The following DOCK3 variants were observed in gnomAD, a reference collection of about 807,000 sequenced individuals.
DOCK3 encodes the protein dedicator of cytokinesis protein 3.
In DOCK3, 60 loss-of-function variants were observed where a neutral mutation model predicts 265.6. The observed-to-expected ratio is 0.23, with a 90% CI of 0.18 to 0.28. The LOEUF (loss-of-function observed/expected upper bound fraction) is 0.28, where lower values mean the gene tolerates loss of function less well. Among genes scored for constraint, DOCK3 ranks in the 10% least tolerant of loss-of-function variants. The pLI, the probability that DOCK3 is intolerant of heterozygous loss-of-function variation, is 1.00. For synonymous variants in DOCK3, 881 were observed against 938.0 expected (o/e 0.94, Z 1.11); for missense variants, 1,981 against 2,594.3 (o/e 0.76, Z 5.14).
intron 4 of DOCK3, among the ~76,000 whole-genome samples, chr3:50,920,516 A>T (rs1264077483): frequency 1.3e-5 from 2 of 151,730 alleles, no homozygotes; most frequent in Admixed American, 1.3e-4. Context: ...TTTCTTCTAG[A>T]TTTTCTAGTT....
intron 1 of DOCK3, among the ~76,000 whole-genome samples, chr3:50,733,494 A>G (rs896365242): frequency 6.6e-6 from 1 of 152,226 alleles, no homozygotes; most frequent in African/African-American, 2.4e-5. Flanking sequence ...TGTCTCTTAT[A>G]AAATTTTTCA....
intron 4 of DOCK3, 125 bp from the exon 5 acceptor site, chr3:50,933,856 G>C: frequency 1.7e-6 from 1 of 584,190 alleles, no homozygotes; most frequent in Non-Finnish European, 3.0e-6. Flanking sequence ...TGATCAATTA[G>C]ATATACTTCT....
chr3:50,864,802 G>A (rs577264549), intron 3 of DOCK3, among the ~76,000 whole-genome samples: 196 of 152,070 alleles, frequency 1.3e-3, no homozygotes, highest in Non-Finnish European at 2.5e-3. Flanking sequence ...ATTGATCTAT[G>A]TGTGTTTTTA....
At chr3:51,187,796 G>C (rs1256190378) in intron 12 of DOCK3, among the ~76,000 whole-genome samples, 1 of 130,086 alleles carries the variant, frequency 7.7e-6, no homozygotes, top group Non-Finnish European at 1.6e-5. Flanking sequence ...TGTAAGATAT[G>C]ACTTGCTCCT....
intron 5 of DOCK3, among the ~76,000 whole-genome samples, chr3:50,960,808 G>A (rs375705031): frequency 1.3e-5 from 2 of 151,882 alleles, no homozygotes; most frequent in African/African-American, 4.8e-5. Flanking sequence ...TATAATAATA[G>A]CTTTTATATT....
chr3:50,753,116 T>C (rs1023601985), intron 1 of DOCK3, among the ~76,000 whole-genome samples: 2 of 152,176 alleles, frequency 1.3e-5, no homozygotes, highest in Non-Finnish European at 2.9e-5. Context: ...ATTCAAAATA[T>C]AATAATTGAA....
At chr3:51,011,233 T>A (rs1159654304) in intron 5 of DOCK3, among the ~76,000 whole-genome samples, 2 of 152,184 alleles carry the variant, frequency 1.3e-5, no homozygotes, top group African/African-American at 4.8e-5. Flanking sequence ...TTGGTTCCGT[T>A]CTCCCCGTCA....
intron 4 of DOCK3, among the ~76,000 whole-genome samples, chr3:50,921,305 C>A (rs1043557428): frequency 1.3e-5 from 2 of 152,162 alleles, no homozygotes; most frequent in Admixed American, 6.5e-5. Flanking sequence ...AGTTGATCTT[C>A]AGTCACTGAT....
At chr3:50,883,843 A>G (rs1358270443) in intron 3 of DOCK3, among the ~76,000 whole-genome samples, 4 of 152,118 alleles carry the variant, frequency 2.6e-5, no homozygotes, top group Admixed American at 2.6e-4. Context: ...AAATGTTTTC[A>G]TTTCCACAAA....
rs2107729132 is a variant in DOCK3 at position 50,889,963 on chromosome 3, G to A, written c.163-63G>A. On this transcript the variant is annotated intron_variant, in intron 3 of 52. Coordinates refer to ENST00000266037, the MANE Select transcript of DOCK3 (RefSeq NM_004947.5). ...GTGCTGAAATCTGATTGCTATTTTT[G>A]TATATATGAAATGTTAATCACAATT... The A allele has an allele frequency of 4.0e-6, 5 of 1,252,962 alleles. No individual in the cohort carries two copies. The African/African-American group carries it at 6.3e-5, about 16-fold the overall frequency. The allele number at this position is 1,252,962 out of a possible 1,614,324, so 77.6% of individuals were successfully genotyped here.
At chr3:50,750,418 A>G (rs1028456897) in intron 1 of DOCK3, among the ~76,000 whole-genome samples, 1 of 147,524 alleles carries the variant, frequency 6.8e-6, no homozygotes. Flanking sequence ...GCAACCTCCA[A>G]CTCCCGGTTC....
At chr3:50,751,220 T>G (rs2039780062) in intron 1 of DOCK3, among the ~76,000 whole-genome samples, 1 of 152,196 alleles carries the variant, frequency 6.6e-6, no homozygotes, top group South Asian at 2.1e-4. Context: ...AGTGACTTTT[T>G]TATATGTCCT....
rs1559946097 is a variant in DOCK3 at position 51,016,853 on chromosome 3, C to CTATATATGATATATGTTTAT, written c.316-47595_316-47594insTATATATGATATATGTTTAT. On this transcript the variant is annotated intron_variant, in intron 5 of 52. Transcript: ENST00000266037. Reference sequence around the variant, plus strand: ...ATATATGATATATGTTTATATATATCATATATAAATATATATGATATATGT... The same window carrying CTATATATGATATATGTTTAT: ...ATATATGATATATGTTTATATATATCTATATATGATATATGTTTATATATATAAATATATATGATATATGT... 1.1e-3 allele frequency among the ~76,000 whole-genome samples: 2 copies of CTATATATGATATATGTTTAT among 1,838 alleles called. 1 individual carries two copies. The highest frequency in any genetic ancestry group is 4.8e-3 in the African/African-American group (2 of 420). 1.2% of individuals were successfully genotyped at this position (1,838 alleles called of 152,430 possible). A position where few individuals can be genotyped will look rare whatever the true frequency, so the allele number is the denominator to read the frequency against.
chr3:51,269,197 G>GCATATATATA (rs1450462532), intron 23 of DOCK3, among the ~76,000 whole-genome samples: 2 of 144,848 alleles, frequency 1.4e-5, no homozygotes, highest in Admixed American at 1.4e-4. Flanking sequence ...ACATATATAT[G>GCATATATATA]CATATATATA....
chr3:51,190,304 A>G (rs1461942434), intron 12 of DOCK3, among the ~76,000 whole-genome samples: 3 of 152,058 alleles, frequency 2.0e-5, no homozygotes, highest in Admixed American at 6.5e-5. Flanking sequence ...TGGTGAACCT[A>G]TGCAAGAGAT....
intron 32 of DOCK3, among the ~76,000 whole-genome samples, chr3:51,329,009 T>C (rs1359438940): frequency 6.6e-6 from 1 of 151,862 alleles, no homozygotes; most frequent in Non-Finnish European, 1.5e-5. Flanking sequence ...AAAAATTAGC[T>C]GGGTGTGGTG....
At position 51,253,041 on chromosome 3, in the gene DOCK3, A is replaced by G. The variant is rs558720772; in HGVS notation, c.2184+6234A>G. 6.6e-5 allele frequency among the ~76,000 whole-genome samples: 10 copies of G among 152,340 alleles called. No homozygotes were observed. The South Asian group carries it at 1.4e-3, about 22-fold the overall frequency. On this transcript the variant is annotated intron_variant, in intron 22 of 52. Transcript: ENST00000266037. Reference sequence around the variant, plus strand: ...TATTATTTTGAGATACGTCCCATCAATACCTAGTTTGTTGAGAGTTTTTAG... The same window carrying G: ...TATTATTTTGAGATACGTCCCATCAGTACCTAGTTTGTTGAGAGTTTTTAG...
intron 9 of DOCK3, among the ~76,000 whole-genome samples, chr3:51,139,058 T>C (rs758937468): frequency 6.6e-6 from 1 of 152,170 alleles, no homozygotes; most frequent in Non-Finnish European, 1.5e-5. Context: ...CCAAGACTAA[T>C]GGATAATCTG....
In DOCK3 at chr3:51,338,266, T is replaced by C. The variant is rs2084995807; in HGVS notation, c.3612-93T>C. On this transcript the variant is annotated intron_variant, in intron 35 of 52. Transcript: ENST00000266037. Reference sequence around the variant, plus strand: ...TTGGAGGCCATCTCAATCTGGGATTTGGTCATACTAATGCCCCAGTGATAG... The same window carrying C: ...TTGGAGGCCATCTCAATCTGGGATTCGGTCATACTAATGCCCCAGTGATAG... The C allele has an allele frequency of 2.2e-6, 3 of 1,388,598 alleles. No individual in the cohort carries two copies. The Admixed American group carries it at 6.0e-5, about 28-fold the overall frequency. 86.0% of individuals were successfully genotyped at this position (1,388,598 alleles called of 1,614,324 possible).
Sources: gnomAD v4.1 joint callset for allele counts (sites outside exome capture counted in the v4.1 genomes callset) on GRCh38, gnomAD v4.1.1 for gene constraint, MANE v1.5 for transcripts, NCBI Gene and HGNC (gene_info 2026-07-23, HGNC 2026-07-21) for gene names.